The following DGKZ variants were observed in gnomAD, a reference collection of about 807,000 sequenced individuals.
The protein encoded by DGKZ is diacylglycerol kinase zeta.
DGKZ carries 45 observed loss-of-function variants against 142.5 expected under a neutral mutation model. That is an observed-to-expected ratio of 0.32 (90% confidence interval 0.25 to 0.40). DGKZ has a LOEUF of 0.40. DGKZ is among the 10% of genes least tolerant of loss of function. DGKZ has a pLI of 1.00. For missense variants in DGKZ, 755 were observed against 1,306.5 expected (o/e 0.58, Z 6.51); for synonymous variants, 442 against 527.0 (o/e 0.84, Z 2.21).
Position 46,353,685 on chromosome 11 carries a change from C to T in DGKZ, c.161+5865C>T, listed in dbSNP as rs142650146. Among the ~76,000 whole-genome samples, 909 of 152,236 alleles carry T rather than the reference C, an allele frequency of 6.0e-3. 3 individuals carry two copies. The highest frequency in any genetic ancestry group is 8.7e-3 in the Non-Finnish European group (593 of 67,998). ...GTGGCTGGTCTGGGGCAGGGAAGAT[C>T]GCTTCACTCGTACCCAGTGCCTCAT... On this transcript the variant is annotated intron_variant, in intron 1 of 30. Transcript: ENST00000527911.
intron 1 of DGKZ, among the ~76,000 whole-genome samples, chr11:46,362,861 C>T (rs1216273377): frequency 6.6e-6 from 1 of 152,210 alleles, no homozygotes; most frequent in Non-Finnish European, 1.5e-5. Context: ...CAAGGGTGCA[C>T]GGCCAGACAC....
intron 1 of DGKZ, among the ~76,000 whole-genome samples, chr11:46,348,658 G>C (rs572689924): frequency 3.9e-5 from 6 of 152,316 alleles, no homozygotes; most frequent in South Asian, 2.1e-4. Context: ...GCGGGGAACC[G>C]GGGGGAGAGT....
At chr11:46,378,718 A>T in intron 27 of DGKZ, 1 of 839,218 alleles carries the variant, frequency 1.2e-6, no homozygotes, top group Non-Finnish European at 2.0e-6. Context: ...AGCTCAGTCC[A>T]CCTGTCCCTG....
chr11:46,365,041 TAGGAG>T lies in DGKZ; in HGVS notation c.162-2246_162-2242del. 3 of 985,240 alleles carry T rather than the reference TAGGAG, an allele frequency of 3.0e-6. No individual in the cohort carries two copies. In the South Asian group the frequency reaches 1.4e-4, roughly 46 times the overall value. The allele number at this position is 985,240 out of a possible 1,614,324, so 61.0% of individuals were successfully genotyped here. On this transcript the variant is annotated intron_variant, in intron 1 of 30. Coordinates refer to ENST00000527911, the Ensembl canonical transcript of DGKZ. Reference sequence around the variant, plus strand: ...AGGCAGGCTGCCCTTCCCCCACTGTTAGGAGAGGTAGGGCACAGGAGCTCGATGCT... The same window carrying T: ...AGGCAGGCTGCCCTTCCCCCACTGTTAGGTAGGGCACAGGAGCTCGATGCT...
chr11:46,344,059 C>G (rs1564994315), upstream of DGKZ, among the ~76,000 whole-genome samples: 3 of 152,014 alleles, frequency 2.0e-5, no homozygotes, highest in Middle Eastern at 3.2e-3. Flanking sequence ...AAACGATTCT[C>G]CTGCCTCAGC....
intron 18 of DGKZ, 44 bp from the exon 19 acceptor site, chr11:46,374,890 C>A: frequency 6.3e-7 from 1 of 1,582,916 alleles, no homozygotes. Flanking sequence ...CCTTGTCCTG[C>A]AGAGACTGTG....
At chr11:46,376,086 G>A (rs909488421) in exon 22 of DGKZ, 1 of 1,611,900 alleles carries the variant, frequency 6.2e-7, no homozygotes, top group South Asian at 1.1e-5. Flanking sequence ...GGGCACTGTG[G>A]TGGTCCCAGG....
At chr11:46,375,681 C>A (rs772715125) in intron 20 of DGKZ, 50 bp downstream of exon 20, 60 of 1,522,380 alleles carry the variant, frequency 3.9e-5, no homozygotes, top group Non-Finnish European at 5.0e-5. Flanking sequence ...AGACCCTGCC[C>A]TCTCTGGGCC....
chr11:46,365,308 A>T, intron 1 of DGKZ: 1 of 985,408 alleles, frequency 1.0e-6, no homozygotes, highest in Non-Finnish European at 1.2e-6. Flanking sequence ...GAGCAGAGTC[A>T]GAAGGGTTTC....
At chr11:46,361,679 C>T in intron 1 of DGKZ, 2 of 985,526 alleles carry the variant, frequency 2.0e-6, no homozygotes, top group Non-Finnish European at 2.4e-6. Context: ...GACCCCAGCT[C>T]CCACCTGCGC....
At chr11:46,338,570 G>A (rs1171126167) in intron 1 of DGKZ, 1 of 146,962 alleles carries the variant, frequency 6.8e-6, no homozygotes, top group Non-Finnish European at 1.5e-5. Flanking sequence ...CAGGCTGGAT[G>A]TGGCCCCGAT....
intron 1 of DGKZ, among the ~76,000 whole-genome samples, chr11:46,339,908 G>T (rs546381125): frequency 6.6e-6 from 1 of 152,356 alleles, no homozygotes; most frequent in East Asian, 1.9e-4. Flanking sequence ...TACAAAGAGG[G>T]TGGGGAAGGA....
chr11:46,339,094 A>T (rs772576544), intron 1 of DGKZ, among the ~76,000 whole-genome samples: 1 of 152,108 alleles, frequency 6.6e-6, no homozygotes, highest in Non-Finnish European at 1.5e-5. Flanking sequence ...CCACCCCTGC[A>T]GAGGGGCTGG....
At chr11:46,360,151 A>G (rs189311179) in intron 1 of DGKZ, among the ~76,000 whole-genome samples, 1 of 152,318 alleles carries the variant, frequency 6.6e-6, no homozygotes, top group Admixed American at 6.5e-5. Flanking sequence ...GCTGCCTTCT[A>G]TTAGGCCAGA....
At chr11:46,378,169 C>T (rs1007515901) in intron 25 of DGKZ, 29 bp from the exon 26 acceptor site, 24 of 1,604,638 alleles carry the variant, frequency 1.5e-5, no homozygotes, top group Middle Eastern at 1.7e-4. Context: ...GTGCCGTAGC[C>T]GGTCACAGCA....
At chr11:46,358,275 C>G (rs2136430587) in intron 1 of DGKZ, among the ~76,000 whole-genome samples, 1 of 152,234 alleles carries the variant, frequency 6.6e-6, no homozygotes. Flanking sequence ...TTTATAAAGT[C>G]TAGACCCTTG....
exon 1 of DGKZ, chr11:46,333,200 C>T: frequency 1.7e-6 from 2 of 1,194,546 alleles, no homozygotes; most frequent in Non-Finnish European, 2.1e-6. Flanking sequence ...CGTCCCCGGC[C>T]CGGGCGGACT....
chr11:46,375,440 G>A (rs992857414), exon 20 of DGKZ: 6 of 1,574,128 alleles, frequency 3.8e-6, no homozygotes, highest in Non-Finnish European at 4.3e-6. Context: ...AGGCCGCGCT[G>A]CAGGTGGGCG....
intron 6 of DGKZ, among the ~76,000 whole-genome samples, chr11:46,370,997 A>G (rs1347056397): frequency 2.6e-5 from 4 of 152,170 alleles, no homozygotes; most frequent in South Asian, 2.1e-4. Flanking sequence ...AGACAAGAGA[A>G]TCGCTTGAAC....
Sources: allele counts gnomAD v4.1 joint callset (sites outside exome capture counted in the v4.1 genomes callset), GRCh38; gene constraint gnomAD v4.1.1; transcripts MANE v1.5; gene names NCBI Gene and HGNC (gene_info 2026-07-23, HGNC 2026-07-21).